The following MAP3K20 variants were observed in gnomAD, a reference collection of about 807,000 sequenced individuals.
MAP3K20 encodes HCCS-4.
MAP3K20 carries 40 observed loss-of-function variants against 85.7 expected under a neutral mutation model. That is an observed-to-expected ratio of 0.47 (90% CI 0.36 to 0.61). The LOEUF (loss-of-function observed/expected upper bound fraction) is 0.61, where lower values mean the gene tolerates loss of function less well. MAP3K20 is among the 20% of genes least tolerant of loss of function. The pLI is 0.00. For synonymous variants in MAP3K20, 325 were observed against 327.7 expected, an observed-to-expected ratio of 0.99 and a Z score of 0.09; for missense variants, 817 against 961.7, an observed-to-expected ratio of 0.85 and a Z score of 1.99.
chr2:173,263,947 A>G (rs751218592), intron 19 of MAP3K20, 52 bp downstream of exon 19: 27 of 1,559,442 alleles, frequency 1.7e-5, no homozygotes, highest in Admixed American at 8.4e-5. Context: ...AAACTTAATT[A>G]TGACATTTCC....
chr2:173,152,794 A>T (rs1574061269), intron 2 of MAP3K20, among the ~76,000 whole-genome samples: 1 of 152,310 alleles, frequency 6.6e-6, no homozygotes, highest in East Asian at 1.9e-4. Context: ...GACATAGTAG[A>T]AGTAGAATAG....
chr2:173,142,258 G>A (rs1688996882), intron 2 of MAP3K20, among the ~76,000 whole-genome samples: 1 of 152,086 alleles, frequency 6.6e-6, no homozygotes, highest in South Asian at 2.1e-4. Context: ...GGATCATGAG[G>A]TCAGGAGATC....
Position 173,075,981 on chromosome 2 carries a change from T to C in MAP3K20, c.-56T>C, listed in dbSNP as rs1686837511. On this transcript the variant is annotated 5_prime_UTR_variant, in exon 1 of 20. Coordinates refer to ENST00000375213, the MANE Select transcript of MAP3K20 (RefSeq NM_016653.3). ...GGGCCTCCGCGCCCCCGGCTGCTGC[T>C]CACGCCCCGCCCGGGAGCCAGGTAG... 1.3e-5 allele frequency: 13 copies of C among 984,618 alleles called. No homozygotes were observed. Among genetic ancestry groups the C allele is most frequent in the Non-Finnish European group, 1.6e-5 (13 of 829,704 alleles). 61.0% of individuals were successfully genotyped at this position (984,618 alleles called of 1,614,324 possible).
intron 12 of MAP3K20, among the ~76,000 whole-genome samples, chr2:173,231,796 T>C (rs1007011483): frequency 6.6e-5 from 10 of 152,226 alleles, no homozygotes; most frequent in Non-Finnish European, 1.2e-4. Flanking sequence ...AACAAAAGAT[T>C]CCTTCTGTCT....
intron 11 of MAP3K20, among the ~76,000 whole-genome samples, chr2:173,220,542 T>G (rs936318442): frequency 3.9e-5 from 6 of 152,190 alleles, no homozygotes; most frequent in Non-Finnish European, 8.8e-5. Context: ...ATAAATAGTA[T>G]TACATCAGTT....
At chr2:173,168,194 A>G (rs1260138837) in intron 2 of MAP3K20, among the ~76,000 whole-genome samples, 1 of 152,054 alleles carries the variant, frequency 6.6e-6, no homozygotes, top group Non-Finnish European at 1.5e-5. Context: ...TGCACAAATA[A>G]TACATCTTCT....
chr2:173,182,220 G>A (rs1469352716), intron 3 of MAP3K20, among the ~76,000 whole-genome samples: 1 of 152,212 alleles, frequency 6.6e-6, no homozygotes, highest in Non-Finnish European at 1.5e-5. Flanking sequence ...GCTGGTGTGA[G>A]AGTGATGATT....
intron 16 of MAP3K20, among the ~76,000 whole-genome samples, chr2:173,248,411 G>T (rs1160353722): frequency 2.6e-5 from 4 of 152,160 alleles, no homozygotes; most frequent in Non-Finnish European, 4.4e-5. Flanking sequence ...CAATAAAGTG[G>T]TTTTTTAAAA....
intron 2 of MAP3K20, among the ~76,000 whole-genome samples, chr2:173,110,708 T>G (rs1687946339): frequency 6.6e-6 from 1 of 152,180 alleles, no homozygotes; most frequent in African/African-American, 2.4e-5. Flanking sequence ...TCACTTAGAA[T>G]AATAATCTCC....
rs1310322281 is a variant in MAP3K20 at position 173,218,587 on chromosome 2, G to A, written c.987+1337G>A. On this transcript the variant is annotated intron_variant, in intron 11 of 19. Coordinates refer to ENST00000375213, the MANE Select transcript of MAP3K20 (RefSeq NM_016653.3). ...CAGTGCTTCTCCCAGAGCTCATGAG[G>A]GACAGGAGCAAAAATGTGACCTCGT... 2.6e-5 allele frequency among the ~76,000 whole-genome samples: 4 copies of A among 152,292 alleles called. No homozygotes were observed. The East Asian group carries it at 7.7e-4, about 29-fold the overall frequency.
At position 173,157,690 on chromosome 2, in the gene MAP3K20, CAT is replaced by C; in HGVS notation, c.160-12113_160-12112del. Among the ~76,000 whole-genome samples the C allele has an allele frequency of 1.3e-5, 2 of 152,162 alleles. 1 individual carries two copies. Among genetic ancestry groups the C allele is most frequent in the East Asian group, 3.9e-4 (2 of 5,190 alleles). ...AAAATTTCTAACCATGTAATTTTTG[CAT>C]AGAGAGAGTGCCTCCTGCTGTGCAA... On this transcript the variant is annotated intron_variant, in intron 2 of 19. Coordinates refer to ENST00000375213, the MANE Select transcript of MAP3K20 (RefSeq NM_016653.3).
chr2:173,094,636 T>A lies in MAP3K20; in HGVS notation c.159+3446T>A, dbSNP rs79806408. Among the ~76,000 whole-genome samples the A allele has an allele frequency of 5.6e-3, 852 of 152,314 alleles. 4 individuals carry two copies. Among genetic ancestry groups the A allele is most frequent in the Non-Finnish European group, 8.2e-3 (557 of 68,030 alleles). Reference sequence around the variant, plus strand: ...TTGGAAAAGTATAGGATAAGTGTTTTGTATAATGTCCCTCATTTGGGGTTT... The same window carrying A: ...TTGGAAAAGTATAGGATAAGTGTTTAGTATAATGTCCCTCATTTGGGGTTT... On this transcript the variant is annotated intron_variant, in intron 2 of 19. Coordinates refer to ENST00000375213, the MANE Select transcript of MAP3K20 (RefSeq NM_016653.3).
intron 16 of MAP3K20, among the ~76,000 whole-genome samples, chr2:173,244,184 A>C (rs1684864079): frequency 6.6e-6 from 1 of 152,166 alleles, no homozygotes; most frequent in Non-Finnish European, 1.5e-5. Context: ...GGGCAACTAG[A>C]GAGATGATGT....
At chr2:173,203,903 T>C in intron 9 of MAP3K20, 33 bp downstream of exon 9, 1 of 1,584,342 alleles carries the variant, frequency 6.3e-7, no homozygotes, top group Non-Finnish European at 8.7e-7. Flanking sequence ...TTGTTTAGAA[T>C]TCTGAAATTT....
chr2:173,265,454 G>A (rs943597067), intron 19 of MAP3K20, among the ~76,000 whole-genome samples: 4 of 151,922 alleles, frequency 2.6e-5, no homozygotes, highest in Non-Finnish European at 2.9e-5. Flanking sequence ...TCTTATTCCC[G>A]AGCCTCAGGA....
chr2:173,109,432 A>T (rs563523294), intron 2 of MAP3K20, among the ~76,000 whole-genome samples: 2 of 151,688 alleles, frequency 1.3e-5, no homozygotes, highest in Non-Finnish European at 2.9e-5. Flanking sequence ...CATGAAACCA[A>T]TGCTTGGGTG....
At chr2:173,143,583 A>C (rs1373524443) in intron 2 of MAP3K20, among the ~76,000 whole-genome samples, 6 of 152,210 alleles carry the variant, frequency 3.9e-5, no homozygotes, top group African/African-American at 1.4e-4. Context: ...ACGGGGAAAT[A>C]TTGAATGTTT....
intron 1 of MAP3K20, among the ~76,000 whole-genome samples, chr2:173,088,006 C>T (rs1687188173): frequency 1.3e-5 from 2 of 151,894 alleles, no homozygotes; most frequent in Non-Finnish European, 2.9e-5. Flanking sequence ...CCATTCCAGC[C>T]AGACTGAATC....
intron 2 of MAP3K20, among the ~76,000 whole-genome samples, chr2:173,159,401 T>TC (rs1491525461): frequency 3.3e-5 from 2 of 60,258 alleles, no homozygotes; most frequent in East Asian, 2.8e-4. Flanking sequence ...CTTCCTTCCT[T>TC]CTTTTTTTTT....
Sources: allele counts gnomAD v4.1 joint callset (sites outside exome capture counted in the v4.1 genomes callset), GRCh38; gene constraint gnomAD v4.1.1; transcripts MANE v1.5; gene names NCBI Gene and HGNC (gene_info 2026-07-23, HGNC 2026-07-21).